Variants in C4orf50 observed in about 807,000 individuals in gnomAD.
The protein encoded by C4orf50 is uncharacterized protein C4orf50.
A neutral mutation model predicts 77.2 loss-of-function variants in C4orf50; 80 were observed. The ratio of observed to expected loss-of-function variants is 1.04; its 90% CI spans 0.87 to 1.25. C4orf50 has a LOEUF of 1.25. Ranked by LOEUF, C4orf50 falls within the 50% of genes most tolerant of loss-of-function variation. The probability of loss-of-function intolerance (pLI) is 0.00; values close to 1 mark genes in which losing one functional copy is unlikely to be tolerated. For synonymous variants in C4orf50, 532 were observed against 465.3 expected, an observed-to-expected ratio of 1.14 and a Z score of -1.84; for missense variants, 1,257 against 1,152.9, an observed-to-expected ratio of 1.09 and a Z score of -1.31.
rs140006408 is a variant in C4orf50, at chr4:5,975,393, G to C, written c.3921+506C>G. Reference sequence around the variant, plus strand: ...AGGAGGCAAACGTATACGCATCGTAGGCTCTCAAACACATGGGAAACGTAC... The same window carrying C: ...AGGAGGCAAACGTATACGCATCGTACGCTCTCAAACACATGGGAAACGTAC... On this transcript the variant is annotated intron_variant, in intron 30 of 33. Coordinates refer to ENST00000531445, the Ensembl canonical transcript of C4orf50. Among the ~76,000 whole-genome samples, 938 of 152,212 alleles carry C rather than the reference G, an allele frequency of 6.2e-3. 4 individuals carry two copies. Among genetic ancestry groups the C allele is most frequent in the South Asian group, 0.016 (75 of 4,820 alleles).
At chr4:5,991,317 C>T (rs1721280515) in intron 27 of C4orf50, among the ~76,000 whole-genome samples, 1 of 152,200 alleles carries the variant, frequency 6.6e-6, no homozygotes, top group African/African-American at 2.4e-5. Flanking sequence ...GCAATAGCCC[C>T]ATGTGGCTCG....
At chr4:6,003,910 T>C (rs1341244781) in intron 25 of C4orf50, among the ~76,000 whole-genome samples, 1 of 18,520 alleles carries the variant, frequency 5.4e-5, no homozygotes, top group Non-Finnish European at 1.0e-4. Flanking sequence ...GATGGTGATG[T>C]TGATGATGGT....
chr4:6,013,305 C>T lies in C4orf50; in HGVS notation c.288-1337G>A, dbSNP rs185831560. Among the ~76,000 whole-genome samples the T allele has an allele frequency of 1.4e-3, 206 of 152,278 alleles. 1 individual carries two copies. Among genetic ancestry groups the T allele is most frequent in the Non-Finnish European group, 1.6e-3 (106 of 68,016 alleles). ...GGACCACAGGAGCAGCTCCAGTTAG[C>T]CAGAGTCAGGCTGAGCACTTTCCGA... On this transcript the variant is annotated intron_variant, in intron 23 of 33. Coordinates refer to ENST00000531445, the Ensembl canonical transcript of C4orf50.
At chr4:6,016,512 T>A (rs1722689952) in intron 23 of C4orf50, among the ~76,000 whole-genome samples, 1 of 152,098 alleles carries the variant, frequency 6.6e-6, no homozygotes, top group Admixed American at 6.5e-5. Context: ...TTATGTCACT[T>A]CACTCCAGCC....
intron 7 of C4orf50, among the ~76,000 whole-genome samples, chr4:5,927,506 G>A (rs1412673078): frequency 6.6e-6 from 1 of 151,934 alleles, no homozygotes; most frequent in Admixed American, 6.6e-5. Context: ...TGTGTTGAGG[G>A]AGGGACCTAG....
At chr4:5,982,720 A>C (rs1322959849) in intron 28 of C4orf50, among the ~76,000 whole-genome samples, 2 of 151,980 alleles carry the variant, frequency 1.3e-5, no homozygotes, top group Non-Finnish European at 2.9e-5. Context: ...TTGGGAGGAG[A>C]CACACATGAG....
chr4:5,935,511 G>T (rs1201337481), intron 7 of C4orf50, among the ~76,000 whole-genome samples: 1 of 152,178 alleles, frequency 6.6e-6, no homozygotes, highest in East Asian at 1.9e-4. Flanking sequence ...CCCAGGGCTG[G>T]GTGTGGTGGC....
In C4orf50 at chr4:6,018,164, C is replaced by T; in HGVS notation, c.268G>A (p.Glu90Lys). The T allele has an allele frequency of 2.5e-6, 1 of 398,916 alleles. No homozygotes were observed. The highest frequency in any genetic ancestry group is 4.4e-6 in the Non-Finnish European group (1 of 226,076). 24.7% of individuals were successfully genotyped at this position (398,916 alleles called of 1,614,324 possible). A position where few individuals can be genotyped will look rare whatever the true frequency, so the allele number is the denominator to read the frequency against. The change falls in exon 23 of 34, where the codon GAG becomes AAG. Residue 90 changes from glutamate to lysine, a missense_variant. By Grantham distance (56) the Glu-to-Lys change is moderately conservative (BLOSUM62 1). Transcript: ENST00000531445. This position sits in a 1 kb window ranked among gnomAD's most constrained non-coding sequence, Gnocchi z 5.1. ...CGCTACCTGCTTCTCAGCCCGGACT[C>T]CGATGTCACGTACTTGTCCTCTGCT...
chr4:6,018,278 A>C lies in C4orf50; in HGVS notation c.154T>G (p.Cys52Gly). 1 of 398,962 alleles carries C rather than the reference A, an allele frequency of 2.5e-6. No individual in the cohort carries two copies. Among genetic ancestry groups the C allele is most frequent in the Non-Finnish European group, 4.4e-6 (1 of 226,068 alleles). The allele number at this position is 398,962 out of a possible 1,614,324, so 24.7% of individuals were successfully genotyped here. A position where few individuals can be genotyped will look rare whatever the true frequency, so the allele number is the denominator to read the frequency against. ...CGGCCAGCTGCTTCTTCCTGAAGAC[A>C]TTCCCGCTCCTCAGCACTATCTTCC... is the stretch of plus-strand genomic sequence containing the variant. Residue 52 changes from cysteine to glycine, a missense_variant, in exon 23 of 34, where the codon TGT becomes GGT. Physicochemically the swap from Cys to Gly is radical, Grantham distance 159 (BLOSUM62 -3). Coordinates refer to ENST00000531445, the Ensembl canonical transcript of C4orf50. This position sits in a 1 kb window ranked among gnomAD's most constrained non-coding sequence, Gnocchi z 5.1.
rs771845184 is a variant in C4orf50 at position 5,989,169 on chromosome 4, G to T, written c.2877C>A (p.Cys959Ter). 1 of 1,535,680 alleles carries T rather than the reference G, an allele frequency of 6.5e-7. No individual in the cohort carries two copies. The highest frequency in any genetic ancestry group is 2.0e-5 in the Admixed American group (1 of 50,962). ...CTCTCTCTCTCTCTCTTTCAAGGGC[G>T]CACACTCTTTCATGGAACCTCTCTT... The change falls in exon 28 of 34, where the codon TGC becomes TGA. Residue 959 changes from cysteine to a stop codon, truncating the protein, a stop_gained. Transcript: ENST00000531445. LOFTEE classifies it high-confidence loss of function.
rs1716281162 is a variant in C4orf50 at position 5,900,114 on chromosome 4, GACCTA to G, written c.*2475-1931_*2475-1927del. The G allele has an allele frequency of 6.6e-6, 1 of 152,144 alleles. No homozygotes were observed. Among genetic ancestry groups the G allele is most frequent in the African/African-American group, 2.4e-5 (1 of 41,428 alleles). 9.4% of individuals were successfully genotyped at this position (152,144 alleles called of 1,614,324 possible). On this transcript the variant is annotated intron_variant, in intron 7 of 7. Coordinates refer to the C4orf50 transcript ENST00000324058. The surrounding 1 kb of genome is among the most constrained non-coding windows in gnomAD (Gnocchi z 4.3). ...AGTTCTCAGAAGGTTTCACGTTTCA[GACCTA>G]GAATTTCACCCTGGAACCAAAGGGG...
chr4:6,004,390 GTGGTGA>G (rs199695871), intron 25 of C4orf50, among the ~76,000 whole-genome samples: 5,161 of 68,876 alleles, frequency 0.075, 190 homozygotes, highest in East Asian at 0.39. Context: ...GATGGTGATG[GTGGTGA>G]TGGTGATGGA....
In C4orf50 at chr4:6,018,128, C is replaced by A; in HGVS notation, c.287+17G>T. 1 of 398,582 alleles carries A rather than the reference C, an allele frequency of 2.5e-6. No homozygotes were observed. The highest frequency in any genetic ancestry group is 1.3e-4 in the South Asian group (1 of 7,648). 24.7% of individuals were successfully genotyped at this position (398,582 alleles called of 1,614,324 possible). A position where few individuals can be genotyped will look rare whatever the true frequency, so the allele number is the denominator to read the frequency against. ...GTTTGTGAAATACACACAGAGAGAT[C>A]AAAATGGCATCGCTACCTGCTTCTC... On this transcript the variant is annotated intron_variant, in intron 23 of 33. Coordinates refer to ENST00000531445, the Ensembl canonical transcript of C4orf50. The surrounding 1 kb of genome is among the most constrained non-coding windows in gnomAD (Gnocchi z 5.1).
chr4:5,929,559 G>A (rs1379735620), intron 7 of C4orf50, among the ~76,000 whole-genome samples: 1 of 152,168 alleles, frequency 6.6e-6, no homozygotes, highest in East Asian at 1.9e-4. Context: ...GGAAACAAAA[G>A]GACAGAAGGA....
chr4:5,967,294 C>G (rs1304032613), intron 32 of C4orf50, 120 bp downstream of exon 10: 2 of 802,936 alleles, frequency 2.5e-6, no homozygotes, highest in African/African-American at 1.7e-5. Context: ...GGGTCCTGTT[C>G]CTTTTAGTAG....
At position 5,973,982 on chromosome 4, in the gene C4orf50, C is replaced by T. The variant is rs566620641; in HGVS notation, c.3922-141G>A. 1.3e-5 allele frequency: 9 copies of T among 679,704 alleles called. No homozygotes were observed. The South Asian group carries it at 1.6e-4, about 12-fold the overall frequency. The allele number at this position is 679,704 out of a possible 1,614,324, so 42.1% of individuals were successfully genotyped here. A position where few individuals can be genotyped will look rare whatever the true frequency, so the allele number is the denominator to read the frequency against. ...TCAGCTCAGCGGAGCAGCCTCCTCC[C>T]TGCGAAGCCTCCCTGCCCCCAGAAG... On this transcript the variant is annotated intron_variant, in intron 30 of 33. Transcript: ENST00000531445.
Position 5,992,188 on chromosome 4 carries a change from G to A in C4orf50, c.1221+615C>T, listed in dbSNP as rs1339808654. ...ATGTGACATCCAACAACAAAAATAA[G>A]AGATACATCGTGAGCAGGATGTGAA... On this transcript the variant is annotated intron_variant, in intron 27 of 33. Transcript: ENST00000531445. The surrounding 1 kb of genome is among the most constrained non-coding windows in gnomAD (Gnocchi z 5.0). Among the ~76,000 whole-genome samples the A allele has an allele frequency of 2.6e-5, 4 of 152,202 alleles. No individual in the cohort carries two copies. Among genetic ancestry groups the A allele is most frequent in the Non-Finnish European group, 5.9e-5 (4 of 68,044 alleles).
Position 6,007,514 on chromosome 4 carries a change from A to G in C4orf50, c.963+482T>C, listed in dbSNP as rs977950797. On this transcript the variant is annotated intron_variant, in intron 25 of 33. Coordinates refer to ENST00000531445, the Ensembl canonical transcript of C4orf50. This position sits in a 1 kb window ranked among gnomAD's most constrained non-coding sequence, Gnocchi z 4.1. ...CTTGATCTTGGACCTCCAGCCTCCA[A>G]AAGTGTGAAAAATAAGTTTCTGTTA... Among the ~76,000 whole-genome samples, 2 of 152,150 alleles carry G rather than the reference A, an allele frequency of 1.3e-5. No individual in the cohort carries two copies. The highest frequency in any genetic ancestry group is 4.8e-5 in the African/African-American group (2 of 41,416).
rs568988913 is a variant in C4orf50 at position 5,970,055 on chromosome 4, G to A, written c.4105-2593C>T. ...CCTCTGCCTCCAAGGTCTCAGGGAC[G>A]GGGAAAGGGGACGATGTAACTGAAT... On this transcript the variant is annotated intron_variant, in intron 31 of 33. Transcript: ENST00000531445. The surrounding 1 kb of genome is among the most constrained non-coding windows in gnomAD (Gnocchi z 4.3). 1.3e-4 allele frequency among the ~76,000 whole-genome samples: 20 copies of A among 152,174 alleles called. No individual in the cohort carries two copies. Among genetic ancestry groups the A allele is most frequent in the African/African-American group, 3.4e-4 (14 of 41,510 alleles).
Sources: allele counts gnomAD v4.1 joint callset (sites outside exome capture counted in the v4.1 genomes callset), GRCh38; gene constraint gnomAD v4.1.1; non-coding constraint Gnocchi (gnomAD v3.1); transcripts MANE v1.5; gene names NCBI Gene and HGNC (gene_info 2026-07-23, HGNC 2026-07-21).